Variants in ADAMTS6 observed in about 807,000 individuals in gnomAD.
The protein encoded by ADAMTS6 is A disintegrin and metalloproteinase with thrombospondin motifs 6.
ADAMTS6 carries 23 observed loss-of-function variants against 144.3 expected under a neutral mutation model. The observed-to-expected ratio is 0.16, with a 90% confidence interval of 0.11 to 0.23. The LOEUF (loss-of-function observed/expected upper bound fraction) is 0.23. Among genes scored for constraint, ADAMTS6 ranks in the 10% least tolerant of loss-of-function variants. ADAMTS6 has a pLI of 1.00. For missense variants in ADAMTS6, 999 were observed against 1,379.6 expected (o/e 0.72, Z 4.37); for synonymous variants, 444 against 457.5 (o/e 0.97, Z 0.38).
intron 11 of ADAMTS6, among the ~76,000 whole-genome samples, chr5:65,286,973 T>G (rs1741730335): frequency 6.6e-6 from 1 of 152,224 alleles, no homozygotes; most frequent in African/African-American, 2.4e-5. Flanking sequence ...AGGAAAGAGC[T>G]TATTACTCTA....
chr5:65,412,198 G>A (rs1755108068), intron 7 of ADAMTS6, among the ~76,000 whole-genome samples: 2 of 151,918 alleles, frequency 1.3e-5, no homozygotes, highest in Non-Finnish European at 2.9e-5. Flanking sequence ...GATATATCCT[G>A]GAAGAATATA....
intron 15 of ADAMTS6, among the ~76,000 whole-genome samples, chr5:65,230,953 A>G (rs1295245921): frequency 6.7e-6 from 1 of 149,144 alleles, no homozygotes; most frequent in African/African-American, 2.4e-5. Context: ...ACAAAGGAAG[A>G]CAGCAAAGAA....
intron 11 of ADAMTS6, among the ~76,000 whole-genome samples, chr5:65,288,449 A>G (rs1741956304): frequency 6.6e-6 from 1 of 151,808 alleles, no homozygotes; most frequent in Non-Finnish European, 1.5e-5. Flanking sequence ...ACTCCTGAGT[A>G]GCTGGGACTA....
chr5:65,369,161 A>C (rs1478936008), intron 7 of ADAMTS6, among the ~76,000 whole-genome samples: 2 of 152,212 alleles, frequency 1.3e-5, no homozygotes, highest in East Asian at 3.8e-4. Context: ...TTGAAGCTGC[A>C]GTGAGCTATG....
intron 12 of ADAMTS6, among the ~76,000 whole-genome samples, chr5:65,265,468 T>G (rs1472529168): frequency 2.0e-5 from 3 of 152,064 alleles, no homozygotes; most frequent in Non-Finnish European, 4.4e-5. Flanking sequence ...AATCTCCAGT[T>G]TTGTGGTTTT....
intron 14 of ADAMTS6, among the ~76,000 whole-genome samples, chr5:65,246,159 T>C (rs1478072851): frequency 6.6e-6 from 1 of 152,168 alleles, no homozygotes; most frequent in African/African-American, 2.4e-5. Flanking sequence ...TATTCGCAGG[T>C]TCTTCCTTAC....
intron 14 of ADAMTS6, among the ~76,000 whole-genome samples, chr5:65,246,226 C>A (rs78198303): frequency 6.6e-6 from 1 of 152,176 alleles, no homozygotes; most frequent in Non-Finnish European, 1.5e-5. Context: ...TCTTCTGGAT[C>A]CACACTGAAC....
At chr5:65,378,540 C>T (rs577576416) in intron 7 of ADAMTS6, among the ~76,000 whole-genome samples, 2 of 152,284 alleles carry the variant, frequency 1.3e-5, no homozygotes, top group African/African-American at 4.8e-5. Flanking sequence ...ACATAATTCT[C>T]TTAAAAACTC....
intron 7 of ADAMTS6, among the ~76,000 whole-genome samples, chr5:65,449,362 TC>T (rs1406871755): frequency 2.0e-5 from 3 of 152,038 alleles, no homozygotes; most frequent in Non-Finnish European, 4.4e-5. Flanking sequence ...ACGCCTGTAA[TC>T]CCCAGCACTT....
chr5:65,450,965 G>A (rs1160461194), intron 7 of ADAMTS6, among the ~76,000 whole-genome samples: 1 of 152,012 alleles, frequency 6.6e-6, no homozygotes, highest in Non-Finnish European at 1.5e-5. Flanking sequence ...TAATCAATCT[G>A]CTTTTTTATG....
At chr5:65,478,578 C>T (rs1450431324) in intron 1 of ADAMTS6, among the ~76,000 whole-genome samples, 2 of 151,934 alleles carry the variant, frequency 1.3e-5, no homozygotes, top group Admixed American at 6.6e-5. Flanking sequence ...TAATATTAGC[C>T]CTCCTTCCTT....
intron 7 of ADAMTS6, among the ~76,000 whole-genome samples, chr5:65,408,716 G>A (rs1436007696): frequency 6.6e-6 from 1 of 151,946 alleles, no homozygotes; most frequent in Non-Finnish European, 1.5e-5. Context: ...GCAACATATC[G>A]CACTTATTCC....
At chr5:65,455,426 C>T (rs745810875) in intron 4 of ADAMTS6, among the ~76,000 whole-genome samples, 21 of 152,130 alleles carry the variant, frequency 1.4e-4, no homozygotes, top group Non-Finnish European at 2.6e-4. Context: ...CCTGTAATCC[C>T]AGCTGCTCAG....
intron 24 of ADAMTS6, among the ~76,000 whole-genome samples, chr5:65,169,366 CAT>C (rs1753447536): frequency 7.1e-6 from 1 of 141,088 alleles, no homozygotes; most frequent in Non-Finnish European, 1.5e-5. Context: ...GAATGGCAAT[CAT>C]TAAAAAGTCA....
intron 9 of ADAMTS6, among the ~76,000 whole-genome samples, chr5:65,316,366 T>C (rs2112862244): frequency 6.6e-6 from 1 of 152,280 alleles, no homozygotes; most frequent in Admixed American, 6.5e-5. Flanking sequence ...AACTGCAGGA[T>C]ACACATTCTA....
intron 1 of ADAMTS6, 55 bp from the exon 2 acceptor site, chr5:65,474,007 A>C (rs1176603757): frequency 2.3e-6 from 1 of 442,424 alleles, no homozygotes; most frequent in Non-Finnish European, 4.0e-6. Context: ...GAAAAATCCA[A>C]GTCCTATATA....
chr5:65,475,747 T>C (rs1365866869), intron 1 of ADAMTS6, among the ~76,000 whole-genome samples: 13 of 152,160 alleles, frequency 8.5e-5, no homozygotes, highest in African/African-American at 2.7e-4. Context: ...ACAATATTAG[T>C]AATAATAGCA....
At chr5:65,268,507 TG>T (rs758318893) in intron 12 of ADAMTS6, among the ~76,000 whole-genome samples, 2 of 152,170 alleles carry the variant, frequency 1.3e-5, no homozygotes, top group Non-Finnish European at 2.9e-5. Context: ...TTATATTAAT[TG>T]ATTTGTAGGA....
rs151051248 is a variant in ADAMTS6 at position 65,403,988 on chromosome 5, T to A, written c.1073+47487A>T. On this transcript the variant is annotated intron_variant, in intron 7 of 24. Coordinates refer to ENST00000381055, the MANE Select transcript of ADAMTS6 (RefSeq NM_197941.4). ...ATGAATAACTTCATGAATATTATACTTTCTCCCAATATAAAATCAATGCTT... is the reference window on the plus strand; with the variant it reads ...ATGAATAACTTCATGAATATTATACATTCTCCCAATATAAAATCAATGCTT... Among the ~76,000 whole-genome samples the A allele has an allele frequency of 6.8e-3, 1,042 of 152,224 alleles. 6 individuals carry two copies. Among genetic ancestry groups the A allele is most frequent in the African/African-American group, 0.022 (920 of 41,548 alleles).
Sources: allele counts gnomAD v4.1 joint callset (sites outside exome capture counted in the v4.1 genomes callset), GRCh38; gene constraint gnomAD v4.1.1; transcripts MANE v1.5; gene names NCBI Gene and HGNC (gene_info 2026-07-23, HGNC 2026-07-21).